PPL: variants seen among roughly 807,000 people sequenced by gnomAD.
PPL encodes periplakin.
A neutral mutation model predicts 194.4 loss-of-function variants in PPL; 198 were observed. The ratio of observed to expected loss-of-function variants is 1.02; its 90% CI spans 0.91 to 1.15. The LOEUF (loss-of-function observed/expected upper bound fraction) is 1.15. Among genes scored for constraint, PPL ranks in the 50% most tolerant of loss-of-function variants. The pLI, the probability that PPL is intolerant of heterozygous loss-of-function variation, is 0.00. For synonymous variants in PPL, 1,220 were observed against 972.4 expected (o/e 1.25, Z -4.74); for missense variants, 2,885 against 2,294.8 (o/e 1.26, Z -5.25).
chr16:4,922,020 G>A (rs143445010), intron 1 of PPL, among the ~76,000 whole-genome samples: 2,207 of 152,108 alleles, frequency 0.015, 31 homozygotes, highest in Middle Eastern at 0.02. Flanking sequence ...GGGGACCCTC[G>A]CTCTCCACCT....
chr16:4,887,827 C>G (rs1455930231), intron 20 of PPL, among the ~76,000 whole-genome samples: 2 of 152,212 alleles, frequency 1.3e-5, no homozygotes, highest in Admixed American at 1.3e-4. Flanking sequence ...AACCCCTGGG[C>G]TCAAGCAGTT....
In PPL at chr16:4,885,189, G is replaced by C. The variant is rs759158330; in HGVS notation, c.3466C>G (p.Arg1156Gly). 3.7e-6 allele frequency: 6 copies of C among 1,613,990 alleles called. No homozygotes were observed. The highest frequency in any genetic ancestry group is 5.1e-6 in the Non-Finnish European group (6 of 1,180,022). Residue 1156 changes from arginine to glycine, a missense_variant, in exon 22 of 22, where the codon CGA (arginine) becomes GGA (glycine). By Grantham distance (125) the Arg-to-Gly change is moderately radical. Coordinates refer to ENST00000345988, the MANE Select transcript of PPL (RefSeq NM_002705.5). The surrounding 1 kb of genome is among the most constrained non-coding windows in gnomAD (Gnocchi z 6.3). ...ASQREKTELL[R>G]KIWALEEENA... ...TCCTCCTCCAAGGCCCATATCTTTC[G>C]GAGCAGCTCCGTCTTCTCCCTCTGG...
In PPL at chr16:4,899,326, C is replaced by T; in HGVS notation, c.665G>A (p.Cys222Tyr). The change falls in exon 7 of 22, where the codon TGC (cysteine) becomes TAC (tyrosine). Residue 222 changes from cysteine to tyrosine, a missense_variant. Physicochemically the swap from Cys to Tyr is radical, Grantham distance 194 (BLOSUM62 -2). Transcript: ENST00000345988. ...GTCCAGCCAGTACAGCTCATTGGTG[C>T]AGCGCTGCATGTAGTCCTGCAGCGA... is the stretch of plus-strand genomic sequence containing the variant. ...LSSLQDYMQR[C>Y]TNELYWLDQQ... The T allele has an allele frequency of 6.2e-7, 1 of 1,613,532 alleles. No homozygotes were observed.
rs1477664451 is a variant in PPL, at chr16:4,895,319, C to G, written c.1184G>C (p.Arg395Pro). ...GQQVVPLKYR[R>P]ETPLKPIPVE... is the part of the protein sequence containing the mutation. ...GGGGATGGGCTTGAGCGGAGTCTCC[C>G]GGCGGTACTTGAGGGGCACCACCTG... The change falls in exon 11 of 22, where the codon CGG (arginine) becomes CCG (proline). Residue 395 changes from arginine (R) to proline (P), a missense_variant. Coordinates refer to ENST00000345988, the MANE Select transcript of PPL (RefSeq NM_002705.5). 6.2e-7 allele frequency: 1 copy of G among 1,613,268 alleles called. No homozygotes were observed. The highest frequency in any genetic ancestry group is 8.5e-7 in the Non-Finnish European group (1 of 1,179,954).
intron 4 of PPL, among the ~76,000 whole-genome samples, chr16:4,901,663 T>C (rs1215105427): frequency 6.7e-6 from 1 of 149,734 alleles, no homozygotes; most frequent in African/African-American, 2.5e-5. Flanking sequence ...CATTCCAGCC[T>C]GGGAGACAGA....
intron 12 of PPL, chr16:4,893,915 G>A: frequency 2.0e-6 from 1 of 510,100 alleles, no homozygotes; most frequent in Non-Finnish European, 3.5e-6. Context: ...AGCATACACA[G>A]TAGGTGCTCA....
At position 4,885,442 on chromosome 16, in the gene PPL, C is replaced by T; in HGVS notation, c.3213G>A (p.Gln1071=). The T allele has an allele frequency of 6.2e-7, 1 of 1,612,704 alleles. No individual in the cohort carries two copies. Among genetic ancestry groups the T allele is most frequent in the Non-Finnish European group, 8.5e-7 (1 of 1,179,992 alleles). The stretch of plus-strand genomic sequence containing the variant: ...GGCGCTGGTGGTCCTCCTGCAGCTG[C>T]TGGTACTCTGCCTCCAGCTGGGGGT... ...QNDPQLEAEY[Q]QLQEDHQRQD... Residue 1071 remains glutamine, a synonymous_variant, in exon 22 of 22, where the codon CAG becomes CAA. Coordinates refer to ENST00000345988, the MANE Select transcript of PPL (RefSeq NM_002705.5). This position sits in a 1 kb window ranked among gnomAD's most constrained non-coding sequence, Gnocchi z 6.3.
In PPL at chr16:4,910,925, C is replaced by T; in HGVS notation, c.87G>A (p.Glu29=). Residue 29 remains glutamate (E), a synonymous_variant, in exon 2 of 22, where the codon GAG becomes GAA. Coordinates refer to ENST00000345988, the MANE Select transcript of PPL (RefSeq NM_002705.5). ...TRSISNKELS[E]LIEQLQKNAD... Reference sequence around the variant, plus strand: ...CATTCTTCTGCAGCTGCTCGATCAGCTCCGAGAGCTCCTTGTTAGAGATGC... The same window carrying T: ...CATTCTTCTGCAGCTGCTCGATCAGTTCCGAGAGCTCCTTGTTAGAGATGC... 1 of 1,613,208 alleles carries T rather than the reference C, an allele frequency of 6.2e-7. No homozygotes were observed. Among genetic ancestry groups the T allele is most frequent in the Non-Finnish European group, 8.5e-7 (1 of 1,179,988 alleles).
chr16:4,899,337 G>A lies in PPL; in HGVS notation c.654C>T (p.Tyr218=). The change falls in exon 7 of 22, where the codon TAC becomes TAT. Residue 218 remains tyrosine (Y), a synonymous_variant. Transcript: ENST00000345988. Reference sequence around the variant, plus strand: ...ACAGCTCATTGGTGCAGCGCTGCATGTAGTCCTGCAGCGAACTCAGGTGCT... The same window carrying A: ...ACAGCTCATTGGTGCAGCGCTGCATATAGTCCTGCAGCGAACTCAGGTGCT... ...RQQHLSSLQD[Y]MQRCTNELYW... is the part of the protein sequence containing the mutation. The A allele has an allele frequency of 6.2e-7, 1 of 1,613,036 alleles. No homozygotes were observed. The highest frequency in any genetic ancestry group is 8.5e-7 in the Non-Finnish European group (1 of 1,179,688).
At position 4,893,560 on chromosome 16, in the gene PPL, C is replaced by T. The variant is rs746920632; in HGVS notation, c.1473G>A (p.Leu491=). ...KRTLQQRYEV[L]KTENPGDASD... ...ACCCACCTCCGGGATTCTCGGTCTT[C>T]AGCACCTCATACCGCTGCTGCAGCG... is the stretch of plus-strand genomic sequence containing the variant. Residue 491 remains leucine, a synonymous_variant, in exon 13 of 22, where the codon CTG becomes CTA. Transcript: ENST00000345988. 13 of 1,612,634 alleles carry T rather than the reference C, an allele frequency of 8.1e-6. No homozygotes were observed. Among genetic ancestry groups the T allele is most frequent in the South Asian group, 6.6e-5 (6 of 91,014 alleles).
At chr16:4,925,957 T>C (rs997298329) in intron 1 of PPL, among the ~76,000 whole-genome samples, 4 of 152,166 alleles carry the variant, frequency 2.6e-5, no homozygotes, top group East Asian at 1.9e-4. Flanking sequence ...CAGTGGTTGG[T>C]TGGGTAAGGA....
At position 4,902,523 on chromosome 16, in the gene PPL, G is replaced by T. The variant is rs1331973000; in HGVS notation, c.321C>A (p.Ile107=). Residue 107 remains isoleucine, a synonymous_variant, in exon 4 of 22, where the codon ATC becomes ATA. Transcript: ENST00000345988. This position sits in a 1 kb window ranked among gnomAD's most constrained non-coding sequence, Gnocchi z 4.0. ...HPQGDMIAED[I]RQLKERVTNL... The stretch of plus-strand genomic sequence containing the variant: ...TGGTCACACGCTCCTTCAGCTGGCG[G>T]ATACTGATGGGAGAGAGGCTCCCAC... 6.2e-7 allele frequency: 1 copy of T among 1,613,282 alleles called. No individual in the cohort carries two copies.
intron 9 of PPL, 69 bp downstream of exon 9, chr16:4,897,606 G>C: frequency 2.4e-6 from 3 of 1,265,018 alleles, no homozygotes; most frequent in East Asian, 4.7e-5. Context: ...ACATGAGCCA[G>C]GTAGGCACTG....
chr16:4,933,870 A>G (rs1223967941), intron 1 of PPL, among the ~76,000 whole-genome samples: 2 of 152,242 alleles, frequency 1.3e-5, no homozygotes, highest in African/African-American at 4.8e-5. Flanking sequence ...TGGGTACACC[A>G]CAGCTAGCTT....
intron 8 of PPL, 123 bp downstream of exon 8, chr16:4,898,890 A>T: frequency 1.4e-6 from 1 of 724,448 alleles, no homozygotes; most frequent in Non-Finnish European, 2.4e-6. Flanking sequence ...AGAGACAGAC[A>T]GACACAAGAT....
chr16:4,932,581 T>G (rs1234462695), intron 1 of PPL, among the ~76,000 whole-genome samples: 2 of 152,036 alleles, frequency 1.3e-5, no homozygotes, highest in Non-Finnish European at 2.9e-5. Flanking sequence ...ACCCAGCTAA[T>G]TTTTAATATT....
intron 18 of PPL, among the ~76,000 whole-genome samples, chr16:4,889,739 A>G (rs1437139614): frequency 6.6e-6 from 1 of 152,142 alleles, no homozygotes; most frequent in Non-Finnish European, 1.5e-5. Flanking sequence ...TGAGTGAGGA[A>G]AGCTTCTGAG....
intron 1 of PPL, among the ~76,000 whole-genome samples, chr16:4,933,705 C>T (rs2089254252): frequency 6.6e-6 from 1 of 152,176 alleles, no homozygotes. Flanking sequence ...TGTACTGAAG[C>T]TTAACTCCAT....
intron 1 of PPL, among the ~76,000 whole-genome samples, chr16:4,925,003 C>G (rs2089129752): frequency 6.6e-6 from 1 of 152,238 alleles, no homozygotes; most frequent in South Asian, 2.1e-4. Context: ...CCTGCAGGCT[C>G]AGCACTCCCT....
Sources: allele counts gnomAD v4.1 joint callset (sites outside exome capture counted in the v4.1 genomes callset), GRCh38; gene constraint gnomAD v4.1.1; non-coding constraint Gnocchi (gnomAD v3.1); transcripts MANE v1.5; gene names NCBI Gene and HGNC (gene_info 2026-07-23, HGNC 2026-07-21).